The following FRMD5 variants were observed in gnomAD, a reference collection of about 807,000 sequenced individuals.
FRMD5 encodes FERM domain-containing protein 5.
A neutral mutation model predicts 69.0 loss-of-function variants in FRMD5; 20 were observed. The ratio of observed to expected loss-of-function variants is 0.29; its 90% confidence interval spans 0.20 to 0.42. FRMD5 has a LOEUF of 0.42. Ranked by LOEUF, FRMD5 falls within the 10% of genes least tolerant of loss-of-function variation. FRMD5 has a pLI of 1.00. For synonymous variants in FRMD5, 271 were observed against 260.1 expected (o/e 1.04, Z -0.40); for missense variants, 595 against 708.6 (o/e 0.84, Z 1.82).
chr15:44,124,040 G>A (rs139959853), intron 1 of FRMD5, among the ~76,000 whole-genome samples: 11,560 of 152,056 alleles, frequency 0.076, 1,300 homozygotes, highest in African/African-American at 0.24. Flanking sequence ...CACCCAGGCT[G>A]GAGTGCAGTG....
chr15:44,168,218 G>A (rs2077741830), intron 1 of FRMD5, among the ~76,000 whole-genome samples: 1 of 152,150 alleles, frequency 6.6e-6, no homozygotes. Flanking sequence ...CCACCGCATA[G>A]TTTATGTGGC....
chr15:43,901,634 G>A (rs1219918141), intron 7 of FRMD5, among the ~76,000 whole-genome samples: 2 of 152,156 alleles, frequency 1.3e-5, no homozygotes, highest in African/African-American at 2.4e-5. Context: ...GGCTGCCCCC[G>A]CTCATCTCCA....
At chr15:43,875,955 G>A (rs906067197) in intron 13 of FRMD5, 2 of 1,373,322 alleles carry the variant, frequency 1.5e-6, no homozygotes, top group Admixed American at 1.7e-5. Context: ...GGCAAATGCT[G>A]CTTCTTGAAA....
intron 1 of FRMD5, among the ~76,000 whole-genome samples, chr15:43,961,628 T>G (rs2090202869): frequency 6.6e-6 from 1 of 152,234 alleles, no homozygotes; most frequent in African/African-American, 2.4e-5. Flanking sequence ...CCAATAATCT[T>G]GATGAATATT....
chr15:44,075,757 T>C (rs1289681587), intron 1 of FRMD5, among the ~76,000 whole-genome samples: 4 of 152,110 alleles, frequency 2.6e-5, no homozygotes, highest in African/African-American at 9.7e-5. Flanking sequence ...CAAATTCAAT[T>C]ATTCACTCCC....
At chr15:44,175,143 T>A (rs2077872108) in intron 1 of FRMD5, among the ~76,000 whole-genome samples, 1 of 152,176 alleles carries the variant, frequency 6.6e-6, no homozygotes, top group African/African-American at 2.4e-5. Flanking sequence ...TCTAACAATT[T>A]ATCACCTGGA....
In FRMD5 at chr15:44,152,582, T is replaced by G. The variant is rs373246999; in HGVS notation, c.102+42371A>C. 1.1e-4 allele frequency among the ~76,000 whole-genome samples: 16 copies of G among 152,358 alleles called. No individual in the cohort carries two copies. In the East Asian group the frequency reaches 3.1e-3, roughly 29 times the overall value. On this transcript the variant is annotated intron_variant, in intron 1 of 13. Transcript: ENST00000417257. Reference sequence around the variant, plus strand: ...TAAATGGGAAAAAGCTCCACCAGATTTGATTGTGAGCTAAGTTGCTCTAAT... The same window carrying G: ...TAAATGGGAAAAAGCTCCACCAGATGTGATTGTGAGCTAAGTTGCTCTAAT...
intron 1 of FRMD5, among the ~76,000 whole-genome samples, chr15:44,163,901 A>G (rs2077663704): frequency 6.6e-6 from 1 of 152,162 alleles, no homozygotes; most frequent in South Asian, 2.1e-4. Flanking sequence ...AAGTTCCTCC[A>G]CTTCATTCTG....
chr15:43,879,881 C>A (rs2088475932), intron 13 of FRMD5: 1 of 379,886 alleles, frequency 2.6e-6, no homozygotes, highest in Non-Finnish European at 4.7e-6. Flanking sequence ...TCAGGCTGAA[C>A]TGCAGGGAAG....
chr15:44,066,672 G>A (rs1174874973), intron 1 of FRMD5, among the ~76,000 whole-genome samples: 1 of 152,100 alleles, frequency 6.6e-6, no homozygotes, highest in Non-Finnish European at 1.5e-5. Flanking sequence ...AGTCATCAAA[G>A]TTTTTAGGCA....
intron 1 of FRMD5, among the ~76,000 whole-genome samples, chr15:43,999,841 G>A (rs1460805208): frequency 5.0e-5 from 5 of 101,006 alleles, no homozygotes; most frequent in African/African-American, 1.6e-4. Flanking sequence ...CATATACAAT[G>A]GAATATCTAT....
chr15:43,956,694 A>G (rs2090121256), intron 1 of FRMD5, among the ~76,000 whole-genome samples: 1 of 152,236 alleles, frequency 6.6e-6, no homozygotes, highest in African/African-American at 2.4e-5. Context: ...AAGGCATTAA[A>G]CAAAATGAAT....
At chr15:43,915,610 C>T (rs573200016) in intron 4 of FRMD5, among the ~76,000 whole-genome samples, 2 of 152,264 alleles carry the variant, frequency 1.3e-5, no homozygotes, top group Middle Eastern at 6.8e-3. Flanking sequence ...CCTGAATTTC[C>T]CATTTTCTTT....
intron 1 of FRMD5, among the ~76,000 whole-genome samples, chr15:44,182,729 C>A (rs918101405): frequency 2.0e-5 from 3 of 152,360 alleles, no homozygotes; most frequent in Admixed American, 6.5e-5. Context: ...TAGTTACTAG[C>A]TGTACAAAGA....
At chr15:43,886,607 A>T (rs1268937958) in intron 10 of FRMD5, among the ~76,000 whole-genome samples, 1 of 152,178 alleles carries the variant, frequency 6.6e-6, no homozygotes, top group African/African-American at 2.4e-5. Context: ...CCAGTAACCT[A>T]TGTGAGTCTG....
At chr15:44,086,828 A>G (rs757126506) in intron 1 of FRMD5, among the ~76,000 whole-genome samples, 54 of 152,222 alleles carry the variant, frequency 3.5e-4, no homozygotes, top group Non-Finnish European at 7.5e-4. Flanking sequence ...TTAGTCTGTC[A>G]TTAAAAAGTA....
At position 43,993,440 on chromosome 15, in the gene FRMD5, G is replaced by A. The variant is rs527326867; in HGVS notation, c.103-69131C>T. On this transcript the variant is annotated intron_variant, in intron 1 of 13. Transcript: ENST00000417257. ...AATCTCTTGACCTCGTGATCCGCCC[G>A]CCTTGGCCTCCCAAAGTGCTGGAAT... Among the ~76,000 whole-genome samples the A allele has an allele frequency of 9.2e-5, 14 of 152,224 alleles. No individual in the cohort carries two copies. In the South Asian group the frequency reaches 2.3e-3, roughly 25 times the overall value.
intron 13 of FRMD5, among the ~76,000 whole-genome samples, chr15:43,881,429 C>T (rs750070037): frequency 6.6e-6 from 1 of 152,210 alleles, no homozygotes; most frequent in Non-Finnish European, 1.5e-5. Flanking sequence ...GGCTGTGTCT[C>T]ATGATGGTCA....
chr15:43,946,054 CAA>C (rs745917945), intron 1 of FRMD5, among the ~76,000 whole-genome samples: 11 of 136,052 alleles, frequency 8.1e-5, no homozygotes, highest in Non-Finnish European at 8.0e-5. Context: ...GACTCTGTCT[CAA>C]AAAAAAAAAA....
Sources: gnomAD v4.1 joint callset for allele counts (sites outside exome capture counted in the v4.1 genomes callset) on GRCh38, gnomAD v4.1.1 for gene constraint, MANE v1.5 for transcripts, NCBI Gene and HGNC (gene_info 2026-07-23, HGNC 2026-07-21) for gene names.